Variants in ZNF778 observed in about 807,000 individuals in gnomAD.
The protein encoded by ZNF778 is zinc finger protein 778.
Under a neutral mutation model 23.9 loss-of-function variants are expected in ZNF778, and 37 were observed. That is an observed-to-expected ratio of 1.54 (90% CI 1.19 to 2.03). The LOEUF is 2.03. Among genes scored for constraint, ZNF778 ranks in the 30% most tolerant of loss-of-function variants. The probability of loss-of-function intolerance (pLI) is 0.00; values close to 1 mark genes in which losing one functional copy is unlikely to be tolerated. For synonymous variants in ZNF778, 483 were observed against 343.9 expected, an observed-to-expected ratio of 1.40 and a Z score of -4.48; for missense variants, 1,297 against 934.4, an observed-to-expected ratio of 1.39 and a Z score of -5.06.
intron 4 of ZNF778, among the ~76,000 whole-genome samples, chr16:89,223,873 CA>C (rs58788873): frequency 0.78 from 117,953 of 150,358 alleles, 48,390 homozygotes; most frequent in Non-Finnish European, 0.92. Flanking sequence ...GACTCCATCT[CA>C]AAAAAAAAAC....
In ZNF778 at chr16:89,228,591, A is replaced by G. The variant is rs776447024; in HGVS notation, c.*29A>G. 6.5e-7 allele frequency: 1 copy of G among 1,540,576 alleles called. No homozygotes were observed. Among genetic ancestry groups the G allele is most frequent in the South Asian group, 1.3e-5 (1 of 76,040 alleles). Reference sequence around the variant, plus strand: ...AAAGAATGTGGGGAAGCTGTCAGCTACACTCATTCACGTTGAAGACATGAA... The same window carrying G: ...AAAGAATGTGGGGAAGCTGTCAGCTGCACTCATTCACGTTGAAGACATGAA... On this transcript the variant is annotated 3_prime_UTR_variant, in exon 7 of 7. Coordinates refer to ENST00000433976, the MANE Select transcript of ZNF778 (RefSeq NM_001201407.2).
Position 89,233,997 on chromosome 16 carries a change from C to T in ZNF778, c.*5435C>T. 1 of 1,200,050 alleles carries T rather than the reference C, an allele frequency of 8.3e-7. No homozygotes were observed. The highest frequency in any genetic ancestry group is 1.3e-5 in the South Asian group (1 of 79,310). 74.3% of individuals were successfully genotyped at this position (1,200,050 alleles called of 1,614,324 possible). A position where few individuals can be genotyped will look rare whatever the true frequency, so the allele number is the denominator to read the frequency against. The stretch of plus-strand genomic sequence containing the variant: ...GCCCCAGACTTCATCCTGCCCTGTC[C>T]TGCCTTTCCTGTGAAAACCCTGTGG... On this transcript the variant is annotated 3_prime_UTR_variant, in exon 7 of 7. Coordinates refer to ENST00000433976, the MANE Select transcript of ZNF778 (RefSeq NM_001201407.2).
rs1263063031 is a variant in ZNF778 at position 89,228,341 on chromosome 16, T to G, written c.2053T>G (p.Ser685Ala). Residue 685 changes from serine (S) to alanine (A), a missense_variant, in exon 7 of 7, where the codon TCC (serine) becomes GCC (alanine). Physicochemically the swap from Ser to Ala is moderately conservative, Grantham distance 99 (BLOSUM62 1). Coordinates refer to ENST00000433976, the MANE Select transcript of ZNF778 (RefSeq NM_001201407.2). Reference sequence around the variant, plus strand: ...CGAGTGTGGGAAAGCCTTCCGTGCCTCCTCTCACCTGCATAAACATGGAAG... The same window carrying G: ...CGAGTGTGGGAAAGCCTTCCGTGCCGCCTCTCACCTGCATAAACATGGAAG... ...CNECGKAFRA[S>A]SHLHKHGRIH... 1 of 1,613,602 alleles carries G rather than the reference T, an allele frequency of 6.2e-7. No individual in the cohort carries two copies. The highest frequency in any genetic ancestry group is 8.5e-7 in the Non-Finnish European group (1 of 1,179,660).
rs762432739 is a variant in ZNF778, at chr16:89,230,297, C to G, written c.*1735C>G. On this transcript the variant is annotated 3_prime_UTR_variant, in exon 7 of 7. Transcript: ENST00000433976. Reference sequence around the variant, plus strand: ...GTGGAGGGAGAACCACCACCCCCCACGTGGGGAGGAGGGAATTCCTGTACC... The same window carrying G: ...GTGGAGGGAGAACCACCACCCCCCAGGTGGGGAGGAGGGAATTCCTGTACC... 1 of 157,506 alleles carries G rather than the reference C, an allele frequency of 6.3e-6. No individual in the cohort carries two copies. The highest frequency in any genetic ancestry group is 2.4e-5 in the African/African-American group (1 of 41,546). The allele number at this position is 157,506 out of a possible 1,614,324, so 9.8% of individuals were successfully genotyped here.
At chr16:89,218,514 G>A (rs1458545680) in intron 1 of ZNF778, among the ~76,000 whole-genome samples, 3 of 152,242 alleles carry the variant, frequency 2.0e-5, no homozygotes, top group African/African-American at 7.2e-5. Context: ...AAATTAGGCC[G>A]GGCGCGGTGG....
chr16:89,225,667 A>C (rs1434702795), intron 6 of ZNF778, 36 bp downstream of exon 6: 1 of 1,559,368 alleles, frequency 6.4e-7, no homozygotes, highest in Non-Finnish European at 8.8e-7. Flanking sequence ...TATTTATCAC[A>C]CTCATAAAAG....
rs1253754053 is a variant in ZNF778 at position 89,236,632 on chromosome 16, T to G, written c.*8070T>G. 1 of 152,214 alleles carries G rather than the reference T, an allele frequency of 6.6e-6. No individual in the cohort carries two copies. Among genetic ancestry groups the G allele is most frequent in the Non-Finnish European group, 1.5e-5 (1 of 68,042 alleles). The allele number at this position is 152,214 out of a possible 1,614,324, so 9.4% of individuals were successfully genotyped here. On this transcript the variant is annotated 3_prime_UTR_variant, in exon 7 of 7. Coordinates refer to ENST00000433976, the MANE Select transcript of ZNF778 (RefSeq NM_001201407.2). ...AAAAATTATCACATGGGGTTTCAAC[T>G]GATGTATATTTAATACATAAGACAA...
chr16:89,228,308 A>C lies in ZNF778; in HGVS notation c.2020A>C (p.Ile674Leu). The change falls in exon 7 of 7, where the codon ATA (isoleucine) becomes CTA (leucine). Residue 674 changes from isoleucine to leucine, a missense_variant. Physicochemically the swap from Ile to Leu is conservative, Grantham distance 5 (BLOSUM62 2). Coordinates refer to ENST00000433976, the MANE Select transcript of ZNF778 (RefSeq NM_001201407.2). ...RRTHTGEKPY[I>L]CNECGKAFRA... ...GACTCACACAGGAGAGAAACCTTAC[A>C]TATGTAACGAGTGTGGGAAAGCCTT... 5.0e-6 allele frequency: 8 copies of C among 1,606,856 alleles called. No individual in the cohort carries two copies. The highest frequency in any genetic ancestry group is 3.3e-5 in the South Asian group (3 of 90,648).
chr16:89,230,008 G>T lies in ZNF778; in HGVS notation c.*1446G>T. 2 of 981,710 alleles carry T rather than the reference G, an allele frequency of 2.0e-6. No individual in the cohort carries two copies. The highest frequency in any genetic ancestry group is 2.4e-6 in the Non-Finnish European group (2 of 826,912). 60.8% of individuals were successfully genotyped at this position (981,710 alleles called of 1,614,324 possible). On this transcript the variant is annotated 3_prime_UTR_variant, in exon 7 of 7. Coordinates refer to ENST00000433976, the MANE Select transcript of ZNF778 (RefSeq NM_001201407.2). Reference sequence around the variant, plus strand: ...ATGTGATCCTGTGTGAGCAGTGTAGGCTCTGGTTGGTTAGTCTTAAGTATC... The same window carrying T: ...ATGTGATCCTGTGTGAGCAGTGTAGTCTCTGGTTGGTTAGTCTTAAGTATC...
At chr16:89,219,572 G>T (rs754699131) in intron 1 of ZNF778, among the ~76,000 whole-genome samples, 12 of 152,288 alleles carry the variant, frequency 7.9e-5, no homozygotes, top group Non-Finnish European at 1.6e-4. Context: ...CCGTTTAGAG[G>T]GTGTAGATTT....
chr16:89,221,583 CTGTGTGTGTG>C (rs35503385), intron 2 of ZNF778, among the ~76,000 whole-genome samples: 4,796 of 141,488 alleles, frequency 0.034, 133 homozygotes, highest in African/African-American at 0.088. Context: ...CACTGTATGG[CTGTGTGTGTG>C]TGTGTGTGTG....
intron 1 of ZNF778, among the ~76,000 whole-genome samples, chr16:89,220,190 C>T (rs1016746744): frequency 6.6e-6 from 1 of 152,162 alleles, no homozygotes; most frequent in South Asian, 2.1e-4. Flanking sequence ...AGCCCAAAGA[C>T]CTCGCCCCCG....
In ZNF778 at chr16:89,234,408, A is replaced by C. The variant is rs2032177758; in HGVS notation, c.*5846A>C. 1 of 250,164 alleles carries C rather than the reference A, an allele frequency of 4.0e-6. No homozygotes were observed. The highest frequency in any genetic ancestry group is 8.0e-6 in the Non-Finnish European group (1 of 125,330). The allele number at this position is 250,164 out of a possible 1,614,324, so 15.5% of individuals were successfully genotyped here. On this transcript the variant is annotated 3_prime_UTR_variant, in exon 7 of 7. Transcript: ENST00000433976. ...GCATCTCCTTGGGGTGTTGGTTTGC[A>C]CTTCTCTTCATTACTGATAGTATGA... is the stretch of plus-strand genomic sequence containing the variant.
Position 89,233,802 on chromosome 16 carries a change from C to T in ZNF778, c.*5240C>T, listed in dbSNP as rs1343620524. The T allele has an allele frequency of 7.7e-7, 1 of 1,291,260 alleles. No individual in the cohort carries two copies. The highest frequency in any genetic ancestry group is 1.2e-5 in the South Asian group (1 of 81,018). The allele number at this position is 1,291,260 out of a possible 1,614,324, so 80.0% of individuals were successfully genotyped here. On this transcript the variant is annotated 3_prime_UTR_variant, in exon 7 of 7. Transcript: ENST00000433976. ...CGCACTGCGTATGCAACTCAGCTCG[C>T]ACTGCGTATGCAACTCAACTGTTGC...
At chr16:89,218,911 C>T (rs4785768) in intron 1 of ZNF778, among the ~76,000 whole-genome samples, 54,486 of 152,082 alleles carry the variant, frequency 0.36, 12,165 homozygotes, top group Non-Finnish European at 0.51. Flanking sequence ...AGTTCAAGAC[C>T]AGCCTGACTA....
chr16:89,225,380 C>T (rs1455835653), intron 5 of ZNF778, among the ~76,000 whole-genome samples, 175 bp from the exon 6 acceptor site: 4 of 151,966 alleles, frequency 2.6e-5, no homozygotes, highest in African/African-American at 4.8e-5. Context: ...CTTTATGGAC[C>T]AAATGTATTT....
At position 89,233,776 on chromosome 16, in the gene ZNF778, T is replaced by C; in HGVS notation, c.*5214T>C. ...ACTCGCACTGCGTATGCAACTCAACTCGCACTGCGTATGCAACTCAGCTCG... is the reference window on the plus strand; with the variant it reads ...ACTCGCACTGCGTATGCAACTCAACCCGCACTGCGTATGCAACTCAGCTCG... On this transcript the variant is annotated 3_prime_UTR_variant, in exon 7 of 7. Transcript: ENST00000433976. 5.6e-6 allele frequency: 7 copies of C among 1,239,604 alleles called. No individual in the cohort carries two copies. Among genetic ancestry groups the C allele is most frequent in the Non-Finnish European group, 6.3e-6 (6 of 949,502 alleles). 76.8% of individuals were successfully genotyped at this position (1,239,604 alleles called of 1,614,324 possible).
At chr16:89,221,856 C>CTGTG (rs371607531) in intron 2 of ZNF778, among the ~76,000 whole-genome samples, 4 of 139,168 alleles carry the variant, frequency 2.9e-5, no homozygotes, top group Non-Finnish European at 6.3e-5. Flanking sequence ...AAGTGTATGG[C>CTGTG]TGTGTGTGTG....
intron 2 of ZNF778, among the ~76,000 whole-genome samples, chr16:89,221,583 C>CTCTGTG (rs1047428867): frequency 1.6e-4 from 22 of 141,520 alleles, no homozygotes; most frequent in Admixed American, 1.1e-3. Context: ...CACTGTATGG[C>CTCTGTG]TGTGTGTGTG....
Sources: allele counts gnomAD v4.1 joint callset (sites outside exome capture counted in the v4.1 genomes callset), GRCh38; gene constraint gnomAD v4.1.1; transcripts MANE v1.5; gene names NCBI Gene and HGNC (gene_info 2026-07-23, HGNC 2026-07-21).